SLC66A1: variants seen among roughly 807,000 people sequenced by gnomAD.
SLC66A1 encodes the protein lysosomal amino acid transporter 1 homolog.
SLC66A1 carries 23 observed loss-of-function variants against 33.0 expected under a neutral mutation model. The ratio of observed to expected loss-of-function variants is 0.70; its 90% CI spans 0.50 to 0.99. SLC66A1 has a LOEUF of 0.99. Ranked by LOEUF, SLC66A1 falls within the 50% of genes least tolerant of loss-of-function variation. The probability of loss-of-function intolerance (pLI) is 0.00; values close to 1 mark genes in which losing one functional copy is unlikely to be tolerated. For missense variants in SLC66A1, 335 were observed against 383.6 expected (o/e 0.87, Z 1.06); for synonymous variants, 164 against 175.5 (o/e 0.93, Z 0.52).
At chr1:19,325,740 C>G (rs2093862303) in intron 4 of SLC66A1, among the ~76,000 whole-genome samples, 158 bp downstream of exon 4, 1 of 152,158 alleles carries the variant, frequency 6.6e-6, no homozygotes, top group African/African-American at 2.4e-5. Flanking sequence ...AGAGCCTGAG[C>G]CTTAACTGGC....
rs56769657 is a variant in SLC66A1 at position 19,319,605 on chromosome 1, G to GTTTTTTTTTTGTTTTTTTTTTTTTTTTTT, written c.164+1774_164+1775insGTTTTTTTTTTTTTTTTTTTTTTTTTTTT. Among the ~76,000 whole-genome samples the GTTTTTTTTTTGTTTTTTTTTTTTTTTTTT allele has an allele frequency of 1.2e-4, 13 of 111,870 alleles. 1 individual carries two copies. The highest frequency in any genetic ancestry group is 4.8e-4 in the African/African-American group (12 of 24,806). 73.4% of individuals were successfully genotyped at this position (111,870 alleles called of 152,430 possible). A position where few individuals can be genotyped will look rare whatever the true frequency, so the allele number is the denominator to read the frequency against. Reference sequence around the variant, plus strand: ...GATTAATGTTGCTGTGCACATTCATGTTTTTTTTTTTTTTTTGCCTGGTGC... The same window carrying GTTTTTTTTTTGTTTTTTTTTTTTTTTTTT: ...GATTAATGTTGCTGTGCACATTCATGTTTTTTTTTTGTTTTTTTTTTTTTTTTTTTTTTTTTTTTTTTTTTGCCTGGTGC... On this transcript the variant is annotated intron_variant, in intron 2 of 7. Transcript: ENST00000375153.
At chr1:19,326,994 C>G (rs1045523033) in intron 6 of SLC66A1, among the ~76,000 whole-genome samples, 4 of 151,900 alleles carry the variant, frequency 2.6e-5, no homozygotes, top group Non-Finnish European at 5.9e-5. Context: ...GGTGTGGGGC[C>G]ACAGGCCTGG....
rs186181154 is a variant in SLC66A1 at position 19,320,549 on chromosome 1, G to A, written c.164+2708G>A. 3.0e-3 allele frequency among the ~76,000 whole-genome samples: 457 copies of A among 151,698 alleles called. 3 individuals are homozygous for A. The highest frequency in any genetic ancestry group is 0.011 in the African/African-American group (440 of 41,316). ...CTGCCTCAGCCTCCCGAGTAGCTGGGACTACAGGCACCTGCCACCACGCCT... is the reference window on the plus strand; with the variant it reads ...CTGCCTCAGCCTCCCGAGTAGCTGGAACTACAGGCACCTGCCACCACGCCT... On this transcript the variant is annotated intron_variant, in intron 2 of 7. Transcript: ENST00000375153.
chr1:19,325,175 G>A (rs568561456), intron 3 of SLC66A1, among the ~76,000 whole-genome samples: 152 of 152,328 alleles, frequency 1.0e-3, no homozygotes, highest in Non-Finnish European at 1.9e-3. Flanking sequence ...GGACCAGAAA[G>A]TTCTGACTGC....
At chr1:19,332,371 C>T (rs2093895014), downstream of SLC66A1, among the ~76,000 whole-genome samples, 1 of 152,202 alleles carries the variant, frequency 6.6e-6, no homozygotes, top group African/African-American at 2.4e-5. Context: ...GCTCGTGTCC[C>T]AGCACCTGGC....
At chr1:19,319,796 G>A (rs576592027) in intron 2 of SLC66A1, among the ~76,000 whole-genome samples, 3 of 151,006 alleles carry the variant, frequency 2.0e-5, no homozygotes, top group South Asian at 4.2e-4. Context: ...CCAGCTACTC[G>A]GGAGGCTGAG....
intron 1 of SLC66A1, among the ~76,000 whole-genome samples, chr1:19,316,827 T>C (rs2093808181): frequency 6.6e-6 from 1 of 151,958 alleles, no homozygotes; most frequent in Non-Finnish European, 1.5e-5. Flanking sequence ...CCACCATGTT[T>C]GGCTAATTTT....
intron 1 of SLC66A1, 141 bp from the exon 2 acceptor site, chr1:19,317,459 T>G (rs2093811973): frequency 9.0e-7 from 1 of 1,113,360 alleles, no homozygotes; most frequent in Non-Finnish European, 1.2e-6. Context: ...TGGGTCCTGG[T>G]GGGTGAAGAT....
At chr1:19,326,703 A>G in intron 6 of SLC66A1, 80 bp downstream of exon 6, 2 of 1,412,198 alleles carry the variant, frequency 1.4e-6, no homozygotes, top group South Asian at 2.3e-5. Context: ...GCTAAGGAGT[A>G]GCACAGCATA....
chr1:19,324,653 A>G lies in SLC66A1; in HGVS notation c.185A>G (p.Lys62Arg). 1 of 1,614,200 alleles carries G rather than the reference A, an allele frequency of 6.2e-7. No homozygotes were observed. Among genetic ancestry groups the G allele is most frequent in the Non-Finnish European group, 8.5e-7 (1 of 1,180,004 alleles). Residue 62 changes from lysine to arginine, a missense_variant, in exon 3 of 8, where the codon AAG becomes AGG. Transcript: ENST00000375153. ...CACAGCCAGTTCATCAAAGCCTACA[A>G]GACGGGCAACATGGACCAGGCGCTG... is the stretch of plus-strand genomic sequence containing the variant. ...STFPQFIKAY[K>R]TGNMDQALSL... is the part of the protein sequence containing the mutation.
At chr1:19,314,106 T>C (rs2093792765) in intron 1 of SLC66A1, among the ~76,000 whole-genome samples, 1 of 152,204 alleles carries the variant, frequency 6.6e-6, no homozygotes, top group Non-Finnish European at 1.5e-5. Flanking sequence ...TGCTCAGAGC[T>C]GTTTGAACAG....
At chr1:19,326,772 A>C in intron 6 of SLC66A1, 149 bp downstream of exon 6, 1 of 850,628 alleles carries the variant, frequency 1.2e-6, no homozygotes, top group Admixed American at 2.7e-5. Context: ...AAGTTAATCC[A>C]ATCTCCGAGC....
intron 2 of SLC66A1, among the ~76,000 whole-genome samples, chr1:19,320,501 C>T (rs2093829321): frequency 6.8e-6 from 1 of 147,868 alleles, no homozygotes; most frequent in Non-Finnish European, 1.5e-5. Context: ...GCAAGCTCTG[C>T]CTTCCGGGTT....
chr1:19,327,466 G>A, intron 7 of SLC66A1, 54 bp downstream of exon 7: 1 of 1,552,812 alleles, frequency 6.4e-7, no homozygotes, highest in East Asian at 2.3e-5. Flanking sequence ...GGAAGCTTCT[G>A]CCTGCACACA....
intron 6 of SLC66A1, 148 bp downstream of exon 6, chr1:19,326,771 C>A: frequency 1.2e-6 from 1 of 858,258 alleles, no homozygotes; most frequent in South Asian, 1.7e-5. Context: ...CAAGTTAATC[C>A]AATCTCCGAG....
chr1:19,327,529 A>ATCCCTCCCTCCCTCCGTCCCTCCC, intron 7 of SLC66A1, 117 bp downstream of exon 7: 4 of 680,258 alleles, frequency 5.9e-6, no homozygotes, highest in Non-Finnish European at 9.3e-6. Context: ...CCATCCATCC[A>ATCCCTCCCTCCCTCCGTCCCTCCC]TCCCTCCCTC....
chr1:19,328,116 A>G lies in SLC66A1; in HGVS notation c.805-456A>G, dbSNP rs2093879161. 3.7e-6 allele frequency: 1 copy of G among 270,604 alleles called. No homozygotes were observed. The highest frequency in any genetic ancestry group is 5.1e-5 in the Admixed American group (1 of 19,638). The allele number at this position is 270,604 out of a possible 1,614,324, so 16.8% of individuals were successfully genotyped here. The stretch of plus-strand genomic sequence containing the variant: ...TGAGGGCTCAGAAAGTGTTTGCTGA[A>G]TGGCTGTAAAGAGCGTTACCTGGGT... On this transcript the variant is annotated intron_variant, in intron 7 of 7. Transcript: ENST00000375153. This position sits in a 1 kb window ranked among gnomAD's most constrained non-coding sequence, Gnocchi z 4.7.
In SLC66A1 at chr1:19,327,272, C is replaced by A; in HGVS notation, c.664C>A (p.Leu222Met). 1 of 1,613,850 alleles carries A rather than the reference C, an allele frequency of 6.2e-7. No individual in the cohort carries two copies. The highest frequency in any genetic ancestry group is 1.3e-5 in the African/African-American group (1 of 74,916). The part of the protein sequence containing the change: ...TQGISYSLFA[L>M]VMLGNTLYGL... ...GGGGATCTCCTACTCTCTGTTCGCG[C>A]TGGTGATGCTGGGGAACACGCTGTA... Residue 222 changes from leucine (L) to methionine (M), a missense_variant, in exon 7 of 8, where the codon CTG becomes ATG. Coordinates refer to ENST00000375153, the MANE Select transcript of SLC66A1 (RefSeq NM_001040125.2).
chr1:19,329,221 T>TA lies in SLC66A1; in HGVS notation c.*579dup. ...GCGGTGAACCGAGATCGTGCCACTGTACTCCAGCCTGGGTGACAGAGTGAG... is the reference window on the plus strand; with the variant it reads ...GCGGTGAACCGAGATCGTGCCACTGTAACTCCAGCCTGGGTGACAGAGTGAG... On this transcript the variant is annotated 3_prime_UTR_variant, in exon 8 of 8. Transcript: ENST00000375153. 6.5e-6 allele frequency: 1 copy of TA among 153,432 alleles called. No individual in the cohort carries two copies. Among genetic ancestry groups the TA allele is most frequent in the South Asian group, 2.0e-4 (1 of 4,932 alleles). 9.5% of individuals were successfully genotyped at this position (153,432 alleles called of 1,614,324 possible).
Sources: gnomAD v4.1 joint callset for allele counts (sites outside exome capture counted in the v4.1 genomes callset) on GRCh38, gnomAD v4.1.1 for gene constraint, Gnocchi (gnomAD v3.1) non-coding constraint, MANE v1.5 for transcripts, NCBI Gene and HGNC (gene_info 2026-07-23, HGNC 2026-07-21) for gene names.